Variants in TMPRSS5 observed in about 807,000 individuals in gnomAD.
The protein encoded by TMPRSS5 is transmembrane protease serine 5.
Under a neutral mutation model 59.7 loss-of-function variants are expected in TMPRSS5, and 45 were observed. The observed-to-expected ratio is 0.75, with a 90% confidence interval of 0.59 to 0.97. TMPRSS5 has a LOEUF of 0.97. Among genes scored for constraint, TMPRSS5 ranks in the 50% least tolerant of loss-of-function variants. The pLI is 0.00. For synonymous variants in TMPRSS5, 225 were observed against 232.0 expected (o/e 0.97, Z 0.27); for missense variants, 585 against 596.7 (o/e 0.98, Z 0.20).
Position 113,689,779 on chromosome 11 carries a change from G to A in TMPRSS5, c.1345C>T (p.His449Tyr). The change falls in exon 12 of 13, where the codon CAT becomes TAT. Residue 449 changes from histidine to tyrosine, a missense_variant. By Grantham distance (83) the His-to-Tyr change is moderately conservative (BLOSUM62 2). Coordinates refer to ENST00000299882, the MANE Select transcript of TMPRSS5 (RefSeq NM_030770.4). ...AKVAEFLDWI[H>Y]DTAQDSLL ...CCCACACTCACCTGAGCAGTGTCAT[G>A]GATCCAGTCCAGAAACTCAGCTACC... 1 of 1,610,756 alleles carries A rather than the reference G, an allele frequency of 6.2e-7. No individual in the cohort carries two copies. Among genetic ancestry groups the A allele is most frequent in the Non-Finnish European group, 8.5e-7 (1 of 1,178,730 alleles).
intron 4 of TMPRSS5, among the ~76,000 whole-genome samples, chr11:113,698,066 C>A (rs1326323080): frequency 6.6e-6 from 1 of 152,140 alleles, no homozygotes; most frequent in African/African-American, 2.4e-5. Context: ...CTCCCTCTCT[C>A]CTCAAGAGCA....
At chr11:113,694,160 G>A (rs1016089938) in intron 8 of TMPRSS5, among the ~76,000 whole-genome samples, 3 of 149,454 alleles carry the variant, frequency 2.0e-5, no homozygotes, top group Non-Finnish European at 4.4e-5. Flanking sequence ...CACAAGAATC[G>A]CTTGAACCCA....
intron 1 of TMPRSS5, among the ~76,000 whole-genome samples, chr11:113,705,280 A>G (rs538173038): frequency 6.6e-6 from 1 of 152,188 alleles, no homozygotes; most frequent in Non-Finnish European, 1.5e-5. Context: ...CTAACCCTCC[A>G]GCAGGAGGAA....
chr11:113,703,539 G>A (rs995140889), intron 1 of TMPRSS5, among the ~76,000 whole-genome samples: 1 of 152,198 alleles, frequency 6.6e-6, no homozygotes, highest in Non-Finnish European at 1.5e-5. Context: ...GTTTTGAAAT[G>A]AGGACATGAG....
rs868707303 is a variant in TMPRSS5 at position 113,699,246 on chromosome 11, T to C, written c.206-219A>G. 0.088 allele frequency among the ~76,000 whole-genome samples: 7,070 copies of C among 80,054 alleles called. 883 individuals carry two copies. The highest frequency in any genetic ancestry group is 0.15 in the South Asian group (342 of 2,242). 52.5% of individuals were successfully genotyped at this position (80,054 alleles called of 152,430 possible). A position where few individuals can be genotyped will look rare whatever the true frequency, so the allele number is the denominator to read the frequency against. ...CTCTCTCTCTCTCTCTCTCTCTCTC[T>C]CTCTCTCTCTCTCTCTCTCTCTCTC... On this transcript the variant is annotated intron_variant, in intron 3 of 12. Transcript: ENST00000299882.
chr11:113,701,596 T>A (rs1490571408), intron 1 of TMPRSS5, among the ~76,000 whole-genome samples: 1 of 151,920 alleles, frequency 6.6e-6, no homozygotes, highest in East Asian at 1.9e-4. Flanking sequence ...TACACCCACA[T>A]GACCAACACA....
At chr11:113,699,211 G>A (rs12797654) in intron 3 of TMPRSS5, among the ~76,000 whole-genome samples, 184 bp from the exon 4 acceptor site, 2 of 62,954 alleles carry the variant, frequency 3.2e-5, no homozygotes, top group African/African-American at 1.1e-4. Context: ...TTGTCTGTCT[G>A]TCTCTCTCTC....
rs765477827 is a variant in TMPRSS5, at chr11:113,694,501, C to G, written c.762G>C (p.Val254=). ...GCCTGTGCATACAATGTGCAGCAGT[C>G]ACCACCCAGCGTGGCGCTAGCACAG... The part of the protein sequence containing the change: ...GGSVLAPRWV[V]TAAHCMHSFR... The change falls in exon 8 of 13, where the codon GTG becomes GTC. Residue 254 remains valine, a synonymous_variant. Transcript: ENST00000299882. 6.4e-6 allele frequency: 10 copies of G among 1,567,420 alleles called. No individual in the cohort carries two copies. The Admixed American group carries it at 1.8e-4, about 29-fold the overall frequency.
intron 1 of TMPRSS5, among the ~76,000 whole-genome samples, chr11:113,700,486 T>C (rs1953101614): frequency 6.6e-6 from 1 of 152,144 alleles, no homozygotes; most frequent in South Asian, 2.1e-4. Context: ...AGGCATCTAC[T>C]AAAGTCCCTC....
rs199814535 is a variant in TMPRSS5 at position 113,689,837 on chromosome 11, G to A, written c.1287C>T (p.Cys429=). The change falls in exon 12 of 13, where the codon TGC becomes TGT. Residue 429 remains cysteine (C), a synonymous_variant. Transcript: ENST00000299882. ...AGACACCTGGGTGATTGGGCTCTGCGCAGCCACGCCCCCAGCTGACCACCC... is the reference window on the plus strand; with the variant it reads ...AGACACCTGGGTGATTGGGCTCTGCACAGCCACGCCCCCAGCTGACCACCC... ...LVGVVSWGRG[C]AEPNHPGVYA... is the part of the protein sequence containing the mutation. 6.1e-5 allele frequency: 97 copies of A among 1,596,888 alleles called. No individual in the cohort carries two copies. The Admixed American group carries it at 9.9e-4, about 16-fold the overall frequency.
intron 8 of TMPRSS5, 136 bp from the exon 9 acceptor site, chr11:113,693,385 C>T: frequency 1.1e-6 from 1 of 922,510 alleles, no homozygotes; most frequent in Non-Finnish European, 1.6e-6. Context: ...TCCCAGGCCC[C>T]ACAGACTATG....
chr11:113,696,803 A>C, intron 6 of TMPRSS5, 55 bp downstream of exon 6: 2 of 1,269,488 alleles, frequency 1.6e-6, no homozygotes, highest in Non-Finnish European at 2.2e-6. Flanking sequence ...TTTTTGCTGG[A>C]TTGACCACCA....
chr11:113,706,160 G>A (rs1953285961), intron 1 of TMPRSS5, 62 bp downstream of exon 1: 10 of 1,565,452 alleles, frequency 6.4e-6, no homozygotes, highest in Admixed American at 1.9e-5. Context: ...AAGGGCAGAG[G>A]AGGGAGAGAG....
In TMPRSS5 at chr11:113,687,574, A is replaced by G. The variant is rs1952642251; in HGVS notation, c.*686T>C. The stretch of plus-strand genomic sequence containing the variant: ...ACCAAGACCATATATCACTTTAATA[A>G]CAGAACTCCTTGGACCAGTTCACAG... On this transcript the variant is annotated 3_prime_UTR_variant, in exon 13 of 13. Coordinates refer to ENST00000299882, the MANE Select transcript of TMPRSS5 (RefSeq NM_030770.4). 6.6e-6 allele frequency: 1 copy of G among 152,254 alleles called. No individual in the cohort carries two copies. Among genetic ancestry groups the G allele is most frequent in the South Asian group, 2.1e-4 (1 of 4,832 alleles). 9.4% of individuals were successfully genotyped at this position (152,254 alleles called of 1,614,324 possible).
intron 1 of TMPRSS5, among the ~76,000 whole-genome samples, chr11:113,702,398 G>T (rs1953164847): frequency 6.6e-6 from 1 of 152,100 alleles, no homozygotes; most frequent in African/African-American, 2.4e-5. Context: ...GATGATTTAG[G>T]GTATCTGGCA....
intron 1 of TMPRSS5, among the ~76,000 whole-genome samples, chr11:113,704,226 A>C (rs1162246963): frequency 6.6e-6 from 1 of 152,204 alleles, no homozygotes; most frequent in Non-Finnish European, 1.5e-5. Flanking sequence ...CAGACAGTTC[A>C]AAGCTAAGTC....
rs373574666 is a variant in TMPRSS5, at chr11:113,693,189, G to A, written c.846C>T (p.Ala282=). ...CCAGAGCCCCTTGGTGGGGCCTGAC[G>A]GCACTGTGGCTGACCAGCCCCGCAT... The part of the protein sequence containing the change: ...RVHAGLVSHS[A]VRPHQGALVE... The change falls in exon 9 of 13, where the codon GCC becomes GCT. Residue 282 remains alanine (A), a synonymous_variant. Transcript: ENST00000299882. 3.2e-5 allele frequency: 51 copies of A among 1,600,588 alleles called. No individual in the cohort carries two copies. In the Middle Eastern group the frequency reaches 5.0e-4, roughly 16 times the overall value.
Position 113,696,964 on chromosome 11 carries a change from G to A in TMPRSS5, c.472C>T (p.His158Tyr). ...TCAGTGAGGTTTACTCCCTTGTGGT[G>A]AGTGAGTCTTGGCAGAAGAAGGGAA... ...CWSLGHLRLTHHKGVNLTDIK... is the reference protein window; with the variant it reads ...CWSLGHLRLTYHKGVNLTDIK... The change falls in exon 6 of 13, where the codon CAC (histidine) becomes TAC (tyrosine). Residue 158 changes from histidine (H) to tyrosine (Y), a missense_variant. His to Tyr is a moderately conservative substitution (Grantham distance 83). Coordinates refer to ENST00000299882, the MANE Select transcript of TMPRSS5 (RefSeq NM_030770.4). The A allele has an allele frequency of 6.4e-7, 1 of 1,572,844 alleles. No individual in the cohort carries two copies. Among genetic ancestry groups the A allele is most frequent in the Non-Finnish European group, 8.6e-7 (1 of 1,157,772 alleles).
chr11:113,696,822 G>A, intron 6 of TMPRSS5, 36 bp downstream of exon 6: 1 of 1,437,540 alleles, frequency 7.0e-7, no homozygotes, highest in East Asian at 2.5e-5. Context: ...CAGGAAGTAA[G>A]GGACCCCACT....
Sources: allele counts gnomAD v4.1 joint callset (sites outside exome capture counted in the v4.1 genomes callset), GRCh38; gene constraint gnomAD v4.1.1; transcripts MANE v1.5; gene names NCBI Gene and HGNC (gene_info 2026-07-23, HGNC 2026-07-21).